Variants in COL5A2 observed in about 807,000 individuals in gnomAD.
The protein encoded by COL5A2 is collagen type V alpha 2 chain, also known as collagen alpha-2(V) chain.
In COL5A2, 23 loss-of-function variants were observed where a neutral mutation model predicts 208.2. The observed-to-expected ratio is 0.11, with a 90% confidence interval of 0.08 to 0.16. The LOEUF (loss-of-function observed/expected upper bound fraction) is 0.16. COL5A2 is among the 10% of genes least tolerant of loss of function. COL5A2 has a pLI of 1.00. For synonymous variants in COL5A2, 625 were observed against 628.5 expected, an observed-to-expected ratio of 0.99 and a Z score of 0.08; for missense variants, 1,590 against 1,956.4, an observed-to-expected ratio of 0.81 and a Z score of 3.53.
the COL5A2 span, among the ~76,000 whole-genome samples, chr2:189,241,978 A>C: frequency 6.6e-6 from 1 of 152,196 alleles, no homozygotes; most frequent in Non-Finnish European, 1.5e-5. Flanking sequence ...ACATTTGTTC[A>C]AATGTTTATT....
intron 1 of COL5A2, among the ~76,000 whole-genome samples, chr2:189,120,094 T>C (rs1488307031): frequency 6.6e-6 from 1 of 152,148 alleles, no homozygotes; most frequent in African/African-American, 2.4e-5. Flanking sequence ...TAGTTATTTA[T>C]CTAGCAAATA....
intron 1 of COL5A2, among the ~76,000 whole-genome samples, chr2:189,133,882 G>A (rs983477909): frequency 6.6e-6 from 1 of 152,200 alleles, no homozygotes; most frequent in Non-Finnish European, 1.5e-5. Context: ...TCCTTCAGGT[G>A]TTTATTTCTG....
chr2:189,072,777 A>C (rs1216944230), intron 17 of COL5A2, among the ~76,000 whole-genome samples: 1 of 151,702 alleles, frequency 6.6e-6, no homozygotes, highest in Non-Finnish European at 1.5e-5. Flanking sequence ...AAAAAAAAAA[A>C]AAAAAAAAAC....
At chr2:189,389,123 A>G in the COL5A2 span, among the ~76,000 whole-genome samples, 1 of 152,190 alleles carries the variant, frequency 6.6e-6, no homozygotes, top group Non-Finnish European at 1.5e-5. Context: ...CAAAATTAGT[A>G]ACAAGTCATC....
At chr2:189,041,013 C>T (rs1172591730) in intron 50 of COL5A2, among the ~76,000 whole-genome samples, 1 of 152,164 alleles carries the variant, frequency 6.6e-6, no homozygotes, top group Non-Finnish European at 1.5e-5. Flanking sequence ...AGCATAAGCT[C>T]ATATACAAAC....
At chr2:189,043,955 A>G (rs1685612548) in intron 47 of COL5A2, among the ~76,000 whole-genome samples, 1 of 152,176 alleles carries the variant, frequency 6.6e-6, no homozygotes, top group African/African-American at 2.4e-5. Context: ...CCCAGAGAAG[A>G]GGTGAAAATT....
At chr2:189,363,720 T>A in the COL5A2 span, among the ~76,000 whole-genome samples, 3 of 152,226 alleles carry the variant, frequency 2.0e-5, no homozygotes, top group South Asian at 2.1e-4. Context: ...TTCATTACCA[T>A]CTCTCCCAAG....
At chr2:189,346,369 C>A in the COL5A2 span, among the ~76,000 whole-genome samples, 36 of 152,200 alleles carry the variant, frequency 2.4e-4, no homozygotes, top group African/African-American at 8.2e-4. Flanking sequence ...AGGATAAGAT[C>A]CTTTTGCAAG....
the COL5A2 span, among the ~76,000 whole-genome samples, chr2:189,416,521 T>C: frequency 6.6e-6 from 1 of 151,648 alleles, no homozygotes; most frequent in South Asian, 2.1e-4. Flanking sequence ...TGAGAACACA[T>C]GGACACAGGA....
At chr2:189,205,749 T>C (rs978602365) in intron 1 of COL5A2, among the ~76,000 whole-genome samples, 17 of 152,198 alleles carry the variant, frequency 1.1e-4, no homozygotes, top group African/African-American at 3.6e-4. Flanking sequence ...GTGATTCCTA[T>C]AGTAATAAGA....
the COL5A2 span, among the ~76,000 whole-genome samples, chr2:189,315,874 T>C: frequency 6.6e-6 from 1 of 152,050 alleles, no homozygotes; most frequent in Non-Finnish European, 1.5e-5. Context: ...ATATCACTGA[T>C]CACTAAACGA....
chr2:189,394,854 C>T, the COL5A2 span, among the ~76,000 whole-genome samples: 3 of 152,168 alleles, frequency 2.0e-5, no homozygotes, highest in Non-Finnish European at 4.4e-5. Context: ...CAGAGACTCA[C>T]TTTTTTGCTC....
At chr2:189,261,936 T>C in the COL5A2 span, among the ~76,000 whole-genome samples, 1 of 152,152 alleles carries the variant, frequency 6.6e-6, no homozygotes, top group Non-Finnish European at 1.5e-5. Flanking sequence ...TCTCAAATCC[T>C]AAAATATGAA....
intron 1 of COL5A2, among the ~76,000 whole-genome samples, chr2:189,153,972 C>A (rs1688195707): frequency 1.3e-5 from 2 of 152,100 alleles, no homozygotes; most frequent in Admixed American, 1.3e-4. Flanking sequence ...CCAATATTCC[C>A]TGGCTATGGA....
the COL5A2 span, among the ~76,000 whole-genome samples, chr2:189,248,602 T>G: frequency 6.6e-6 from 1 of 152,168 alleles, no homozygotes; most frequent in Admixed American, 6.5e-5. Flanking sequence ...ATAGATACAA[T>G]ATATTGAAGA....
At chr2:189,292,229 T>C in the COL5A2 span, among the ~76,000 whole-genome samples, 1 of 152,124 alleles carries the variant, frequency 6.6e-6, no homozygotes, top group East Asian at 1.9e-4. Flanking sequence ...TAATTGATAA[T>C]TTACTTTTGA....
chr2:189,282,391 A>G, the COL5A2 span, among the ~76,000 whole-genome samples: 3 of 152,208 alleles, frequency 2.0e-5, no homozygotes, highest in African/African-American at 7.2e-5. Context: ...GTGCAAAGGT[A>G]AAATGCTGCT....
chr2:189,137,696 T>C (rs10190073), intron 1 of COL5A2, among the ~76,000 whole-genome samples: 150,700 of 152,194 alleles, frequency 0.99, 74,629 homozygotes, highest in Middle Eastern at 1. Flanking sequence ...AGACAGTGAG[T>C]TGGGGGCGGG....
chr2:189,034,020 G>A lies in COL5A2; in HGVS notation c.*50C>T. ...TCAAACAGTCAAAGTTCTTGTGAAT[G>A]GCGGTGGTCATTGATGGTGGTGCTC... On this transcript the variant is annotated 3_prime_UTR_variant, in exon 54 of 54. Coordinates refer to ENST00000374866, the MANE Select transcript of COL5A2 (RefSeq NM_000393.5). 6.2e-7 allele frequency: 1 copy of A among 1,612,206 alleles called. No individual in the cohort carries two copies. Among genetic ancestry groups the A allele is most frequent in the Non-Finnish European group, 8.5e-7 (1 of 1,178,764 alleles).
Sources: allele counts gnomAD v4.1 joint callset (sites outside exome capture counted in the v4.1 genomes callset), GRCh38; gene constraint gnomAD v4.1.1; transcripts MANE v1.5; gene names NCBI Gene and HGNC (gene_info 2026-07-23, HGNC 2026-07-21).